NEK10: variants seen among roughly 807,000 people sequenced by gnomAD.
NEK10 encodes serine/threonine-protein kinase Nek10.
In NEK10, 122 loss-of-function variants were observed where a neutral mutation model predicts 159.8. The observed-to-expected ratio is 0.76, with a 90% confidence interval of 0.66 to 0.89. The LOEUF (loss-of-function observed/expected upper bound fraction) is 0.89. Ranked by LOEUF, NEK10 falls within the 40% of genes least tolerant of loss-of-function variation. NEK10 has a pLI of 0.00. For synonymous variants in NEK10, 466 were observed against 457.1 expected (o/e 1.02, Z -0.25); for missense variants, 1,342 against 1,323.1 (o/e 1.01, Z -0.22).
chr3:27,299,597 T>G (rs1046727331), intron 13 of NEK10, among the ~76,000 whole-genome samples: 2 of 152,118 alleles, frequency 1.3e-5, no homozygotes, highest in African/African-American at 4.8e-5. Context: ...CACTGACAAG[T>G]GTGCACAGTG....
intron 31 of NEK10, among the ~76,000 whole-genome samples, chr3:27,140,937 A>G (rs1220096985): frequency 6.6e-6 from 1 of 152,180 alleles, no homozygotes; most frequent in Non-Finnish European, 1.5e-5. Flanking sequence ...TATATAACAG[A>G]GCCTTCAAGT....
intron 25 of NEK10, among the ~76,000 whole-genome samples, chr3:27,195,599 A>C (rs938439429): frequency 2.6e-5 from 4 of 152,238 alleles, no homozygotes; most frequent in Non-Finnish European, 4.4e-5. Context: ...GTGGCATCTT[A>C]GTATTTTGAA....
In NEK10 at chr3:27,352,536, GAA is replaced by G. The variant is rs768937393; in HGVS notation, c.72-13_72-12del. ...AGATCTGAATAGTCCCTAGGAGAGA[GAA>G]TAACACAATGTGAACCCACAGAAGG... On this transcript the variant is annotated splice_polypyrimidine_tract_variant and intron_variant, in intron 2 of 35. Transcript: ENST00000691995. The G allele has an allele frequency of 3.3e-5, 53 of 1,595,954 alleles. No homozygotes were observed. The highest frequency in any genetic ancestry group is 4.4e-5 in the Non-Finnish European group (51 of 1,163,868).
intron 6 of NEK10, among the ~76,000 whole-genome samples, chr3:27,321,683 A>G (rs1356310604): frequency 2.6e-5 from 4 of 152,026 alleles, no homozygotes; most frequent in African/African-American, 7.2e-5. Context: ...CTCCTTTGGG[A>G]CAAGCAGGAG....
intron 23 of NEK10, among the ~76,000 whole-genome samples, chr3:27,218,810 G>A (rs531758569): frequency 2.0e-5 from 3 of 149,858 alleles, no homozygotes; most frequent in South Asian, 2.1e-4. Flanking sequence ...ACTGTCTTTC[G>A]TGATAAAAGC....
rs532924199 is a variant in NEK10 at position 27,152,392 on chromosome 3, T to G, written c.2869+10309A>C. On this transcript the variant is annotated intron_variant, in intron 30 of 35. Coordinates refer to ENST00000691995, the MANE Select transcript of NEK10 (RefSeq NM_001394966.1). ...CCAAGAACTTTGTATCCAACAAAAC[T>G]AAGCATCATATATGAAGGAAAGATA... 5.9e-5 allele frequency among the ~76,000 whole-genome samples: 9 copies of G among 152,268 alleles called. No individual in the cohort carries two copies. In the East Asian group the frequency reaches 1.5e-3, roughly 26 times the overall value.
intron 26 of NEK10, among the ~76,000 whole-genome samples, chr3:27,186,326 G>A (rs1053957279): frequency 6.6e-6 from 1 of 152,134 alleles, no homozygotes; most frequent in Non-Finnish European, 1.5e-5. Context: ...TATAGACCCA[G>A]GAGAAGACAG....
chr3:27,290,642 G>GA lies in NEK10; in HGVS notation c.1717dup (p.Ser573PhefsTer2), dbSNP rs753446431. ...CTGCTCTTTAATTATTGTTAATTCAGAAACAATATTCCTTACGCTGCTGTC... is the reference window on the plus strand; with the variant it reads ...CTGCTCTTTAATTATTGTTAATTCAGAAAACAATATTCCTTACGCTGCTGTC... On this transcript the variant is annotated frameshift_variant, in exon 19 of 36. Transcript: ENST00000691995. LOFTEE classifies it high-confidence loss of function. The GA allele has an allele frequency of 6.3e-7, 1 of 1,595,440 alleles. No individual in the cohort carries two copies. The highest frequency in any genetic ancestry group is 2.2e-5 in the East Asian group (1 of 44,622).
At chr3:27,206,914 A>G (rs1950591460) in intron 23 of NEK10, among the ~76,000 whole-genome samples, 1 of 152,158 alleles carries the variant, frequency 6.6e-6, no homozygotes, top group African/African-American at 2.4e-5. Context: ...TGGGCCTGTG[A>G]CTGTCTTTGC....
chr3:27,235,426 AAAC>A (rs983873914), intron 23 of NEK10, among the ~76,000 whole-genome samples: 2 of 152,160 alleles, frequency 1.3e-5, no homozygotes, highest in African/African-American at 4.8e-5. Context: ...CAAAACAAAC[AAAC>A]AACGCCATTA....
Position 27,209,024 on chromosome 3 carries a change from A to T in NEK10, c.2091-6467T>A, listed in dbSNP as rs557651040. Among the ~76,000 whole-genome samples, 529 of 152,336 alleles carry T rather than the reference A, an allele frequency of 3.5e-3. 3 individuals are homozygous for T. Among genetic ancestry groups the T allele is most frequent in the Non-Finnish European group, 5.8e-3 (395 of 68,030 alleles). On this transcript the variant is annotated intron_variant, in intron 23 of 35. Transcript: ENST00000691995. ...CTGTGGAATAATATACTATGCCACT[A>T]AAAGAAATTGGCACACCTTTAACAC...
At chr3:27,200,761 T>C (rs749925665) in intron 25 of NEK10, among the ~76,000 whole-genome samples, 3 of 152,092 alleles carry the variant, frequency 2.0e-5, no homozygotes, top group African/African-American at 7.2e-5. Context: ...AGTGGGGCCA[T>C]CAGGGTGGGG....
intron 13 of NEK10, 148 bp downstream of exon 13, chr3:27,301,548 A>G (rs1015476392): frequency 2.2e-5 from 14 of 625,010 alleles, no homozygotes; most frequent in Non-Finnish European, 3.4e-5. Context: ...ACTGGGACCA[A>G]GAAGTTTCTG....
At chr3:27,113,522 C>T (rs1939924164) in intron 35 of NEK10, among the ~76,000 whole-genome samples, 2 of 150,620 alleles carry the variant, frequency 1.3e-5, no homozygotes, top group South Asian at 4.2e-4. Flanking sequence ...TAATTTGGAG[C>T]ACTTTAAGAA....
chr3:27,355,142 C>T (rs2048243634), intron 1 of NEK10, among the ~76,000 whole-genome samples: 1 of 152,136 alleles, frequency 6.6e-6, no homozygotes, highest in African/African-American at 2.4e-5. Flanking sequence ...GCGCCTGCTG[C>T]ATTAGCTTCC....
intron 16 of NEK10, among the ~76,000 whole-genome samples, chr3:27,292,996 GA>G (rs1020838937): frequency 7.8e-4 from 118 of 152,176 alleles, no homozygotes; most frequent in African/African-American, 2.3e-3. Context: ...TTGGGCCTAT[GA>G]TTTTGGCTAA....
Position 27,291,605 on chromosome 3 carries a change from A to C in NEK10, c.1374-19T>G. 1 of 1,326,738 alleles carries C rather than the reference A, an allele frequency of 7.5e-7. No homozygotes were observed. Among genetic ancestry groups the C allele is most frequent in the Non-Finnish European group, 1.1e-6 (1 of 919,128 alleles). 82.2% of individuals were successfully genotyped at this position (1,326,738 alleles called of 1,614,324 possible). ...GAAAAGTCTACAGAGAATATTACAC[A>C]CACTTAAAGTAGAACTTGGACACAG... On this transcript the variant is annotated intron_variant, in intron 16 of 35. Coordinates refer to ENST00000691995, the MANE Select transcript of NEK10 (RefSeq NM_001394966.1).
chr3:27,222,799 T>C (rs1952256611), intron 23 of NEK10, among the ~76,000 whole-genome samples: 1 of 152,148 alleles, frequency 6.6e-6, no homozygotes. Context: ...TTTTAATAGT[T>C]CAGCTGAGAA....
At chr3:27,194,601 T>C (rs1277688835) in intron 25 of NEK10, 2 of 151,860 alleles carry the variant, frequency 1.3e-5, no homozygotes, top group Non-Finnish European at 2.9e-5. Context: ...GGATACCTTA[T>C]TCAATTACAT....
Sources: gnomAD v4.1 joint callset for allele counts (sites outside exome capture counted in the v4.1 genomes callset) on GRCh38, gnomAD v4.1.1 for gene constraint, MANE v1.5 for transcripts, NCBI Gene and HGNC (gene_info 2026-07-23, HGNC 2026-07-21) for gene names.